CD5: variants seen among roughly 807,000 people sequenced by gnomAD.
CD5 encodes T-cell surface glycoprotein CD5.
Under a neutral mutation model 60.3 loss-of-function variants are expected in CD5, and 36 were observed. The observed-to-expected ratio is 0.60, with a 90% confidence interval of 0.46 to 0.79. The LOEUF is 0.79. Ranked by LOEUF, CD5 falls within the 30% of genes least tolerant of loss-of-function variation. CD5 has a pLI of 0.00. For synonymous variants in CD5, 230 were observed against 257.6 expected, an observed-to-expected ratio of 0.89 and a Z score of 1.03; for missense variants, 540 against 630.6, an observed-to-expected ratio of 0.86 and a Z score of 1.54.
rs540837198 is a variant in CD5, at chr11:61,110,043, G to A, written c.56-5013G>A. ...AGGAAGGATGGTGCAGGAGTAAGCT[G>A]TAGAGCCCCCAGAGGGGGTCAGGGA... On this transcript the variant is annotated intron_variant, in intron 1 of 10. Transcript: ENST00000347785. Among the ~76,000 whole-genome samples the A allele has an allele frequency of 2.6e-5, 4 of 152,258 alleles. No homozygotes were observed. In the East Asian group the frequency reaches 7.7e-4, roughly 29 times the overall value.
intron 1 of CD5, among the ~76,000 whole-genome samples, chr11:61,113,883 C>T (rs1860895994): frequency 6.6e-6 from 1 of 152,070 alleles, no homozygotes; most frequent in Non-Finnish European, 1.5e-5. Context: ...TTGGCTAGGC[C>T]AGTCTCAAAC....
At chr11:61,100,769 G>A (rs1860663513), upstream of CD5, among the ~76,000 whole-genome samples, 2 of 107,894 alleles carry the variant, frequency 1.9e-5, no homozygotes, top group Non-Finnish European at 1.9e-5. Context: ...ACATCAACAT[G>A]GAGATCACAA....
In CD5 at chr11:61,123,017, A is replaced by C; in HGVS notation, c.1210A>C (p.Lys404Gln). 6.2e-7 allele frequency: 1 copy of C among 1,612,786 alleles called. No individual in the cohort carries two copies. The highest frequency in any genetic ancestry group is 8.5e-7 in the Non-Finnish European group (1 of 1,179,410). ...CGTGTGCGGCCCCCTTGCCTACAAGAAGCTAGTGAAGAAATGTAGGTGTCA... is the reference window on the plus strand; with the variant it reads ...CGTGTGCGGCCCCCTTGCCTACAAGCAGCTAGTGAAGAAATGTAGGTGTCA... Reference protein sequence around the residue: ...LVVCGPLAYKKLVKKFRQKKQ... With the variant: ...LVVCGPLAYKQLVKKFRQKKQ... The change falls in exon 7 of 11, where the codon AAG becomes CAG. Residue 404 changes from lysine (K) to glutamine (Q), a missense_variant. Lys to Gln is a moderately conservative substitution (Grantham distance 53, BLOSUM62 1). Transcript: ENST00000347785.
chr11:61,119,837 G>A (rs1347595248), intron 5 of CD5, among the ~76,000 whole-genome samples: 1 of 152,232 alleles, frequency 6.6e-6, no homozygotes, highest in Non-Finnish European at 1.5e-5. Flanking sequence ...ACATGGGGAA[G>A]GGGAGTCGGC....
At chr11:61,103,738 G>T (rs1860736208) in intron 1 of CD5, among the ~76,000 whole-genome samples, 1 of 145,400 alleles carries the variant, frequency 6.9e-6, no homozygotes, top group Admixed American at 6.9e-5. Flanking sequence ...GTGAGTCTGT[G>T]TGTGAGTCTG....
intron 7 of CD5, among the ~76,000 whole-genome samples, chr11:61,123,250 T>C (rs1018841810): frequency 6.6e-6 from 1 of 152,136 alleles, no homozygotes. Flanking sequence ...GATTTGTCCA[T>C]CTCTGGAGCC....
chr11:61,103,591 G>A (rs1353075529), intron 1 of CD5, among the ~76,000 whole-genome samples: 1 of 151,940 alleles, frequency 6.6e-6, no homozygotes, highest in Admixed American at 6.6e-5. Flanking sequence ...GTGGGGGAAT[G>A]TGTGAGTCTA....
chr11:61,111,089 C>G (rs1860848606), intron 1 of CD5, among the ~76,000 whole-genome samples: 1 of 152,220 alleles, frequency 6.6e-6, no homozygotes, highest in Non-Finnish European at 1.5e-5. Flanking sequence ...TTCAGTCTTT[C>G]CTGAGAATGT....
intron 7 of CD5, 72 bp from the exon 8 acceptor site, chr11:61,123,812 T>TACCCCCC: frequency 2.9e-6 from 1 of 339,974 alleles, no homozygotes. Flanking sequence ...CCCAGCCCCA[T>TACCCCCC]CCCCACCCCT....
At chr11:61,114,528 C>A (rs1860909262) in intron 1 of CD5, among the ~76,000 whole-genome samples, 1 of 152,100 alleles carries the variant, frequency 6.6e-6, no homozygotes, top group African/African-American at 2.4e-5. Flanking sequence ...GTAATCCTAG[C>A]TACTCAAGAG....
At chr11:61,114,323 T>C (rs929255958) in intron 1 of CD5, among the ~76,000 whole-genome samples, 2 of 152,074 alleles carry the variant, frequency 1.3e-5, no homozygotes, top group Non-Finnish European at 2.9e-5. Flanking sequence ...ATGGCCTGAG[T>C]GCTGTGGCTC....
At chr11:61,104,422 C>T (rs1860749795) in intron 1 of CD5, among the ~76,000 whole-genome samples, 1 of 152,184 alleles carries the variant, frequency 6.6e-6, no homozygotes, top group African/African-American at 2.4e-5. Flanking sequence ...CTGCTCCTCA[C>T]CTCTGGCCTC....
rs1319394109 is a variant in CD5 at position 61,125,042 on chromosome 11, T to G, written c.1290T>G (p.His430Gln). 1 of 1,614,032 alleles carries G rather than the reference T, an allele frequency of 6.2e-7. No individual in the cohort carries two copies. The highest frequency in any genetic ancestry group is 1.3e-5 in the African/African-American group (1 of 75,020). ...PTGMNQNMSF[H>Q]RNHTATVRSH... ...CTACCATCTGCCCAGTGTCTTTCCATCGCAACCACACGGCAACCGTCCGAT... is the reference window on the plus strand; with the variant it reads ...CTACCATCTGCCCAGTGTCTTTCCAGCGCAACCACACGGCAACCGTCCGAT... The change falls in exon 9 of 11, where the codon CAT (histidine) becomes CAG (glutamine). Residue 430 changes from histidine (H) to glutamine (Q), a missense_variant. Coordinates refer to ENST00000347785, the MANE Select transcript of CD5 (RefSeq NM_014207.4).
At chr11:61,099,414 C>T (rs1860625820), upstream of CD5, among the ~76,000 whole-genome samples, 2 of 91,190 alleles carry the variant, frequency 2.2e-5, no homozygotes, top group South Asian at 5.2e-4. Flanking sequence ...GGAAATCACA[C>T]ACATCAACAT....
intron 1 of CD5, among the ~76,000 whole-genome samples, chr11:61,112,140 G>C (rs992776979): frequency 4.6e-5 from 7 of 152,238 alleles, no homozygotes; most frequent in Admixed American, 2.6e-4. Context: ...GGCACTTCAA[G>C]CTGCCTTAGC....
intron 2 of CD5, among the ~76,000 whole-genome samples, chr11:61,117,014 G>A (rs1301841478): frequency 6.6e-6 from 1 of 152,158 alleles, no homozygotes; most frequent in African/African-American, 2.4e-5. Flanking sequence ...AAATGGAAAC[G>A]CCCACACAAA....
Position 61,126,545 on chromosome 11 carries a change from C to G in CD5, c.*260C>G, listed in dbSNP as rs116802228. 6.6e-6 allele frequency: 1 copy of G among 152,228 alleles called. No homozygotes were observed. The highest frequency in any genetic ancestry group is 1.5e-5 in the Non-Finnish European group (1 of 68,082). 9.4% of individuals were successfully genotyped at this position (152,228 alleles called of 1,614,324 possible). Reference sequence around the variant, plus strand: ...ACAAGCAGCCTTCCAACTAGAGACTCGGGGGTGTCTGAAGGGGGCCCCCTT... The same window carrying G: ...ACAAGCAGCCTTCCAACTAGAGACTGGGGGGTGTCTGAAGGGGGCCCCCTT... On this transcript the variant is annotated 3_prime_UTR_variant, in exon 11 of 11. Coordinates refer to ENST00000347785, the MANE Select transcript of CD5 (RefSeq NM_014207.4).
At chr11:61,100,722 TCA>T (rs1271772215), upstream of CD5, among the ~76,000 whole-genome samples, 12 of 117,834 alleles carry the variant, frequency 1.0e-4, no homozygotes, top group African/African-American at 3.0e-4. Flanking sequence ...AACATGGAGA[TCA>T]CACACACACA....
chr11:61,120,256 G>A (rs1042675298), intron 5 of CD5, among the ~76,000 whole-genome samples: 1 of 152,164 alleles, frequency 6.6e-6, no homozygotes, highest in African/African-American at 2.4e-5. Flanking sequence ...AGGGAGAAAC[G>A]GAGAAACTTC....
Sources: gnomAD v4.1 joint callset for allele counts (sites outside exome capture counted in the v4.1 genomes callset) on GRCh38, gnomAD v4.1.1 for gene constraint, MANE v1.5 for transcripts, NCBI Gene and HGNC (gene_info 2026-07-23, HGNC 2026-07-21) for gene names.